The following WDR70 variants were observed in gnomAD, a reference collection of about 807,000 sequenced individuals.
WDR70 encodes the protein WD repeat domain 70.
A neutral mutation model predicts 88.6 loss-of-function variants in WDR70; 53 were observed. The observed-to-expected ratio is 0.60, with a 90% CI of 0.48 to 0.75. The LOEUF (loss-of-function observed/expected upper bound fraction) is 0.75. Among genes scored for constraint, WDR70 ranks in the 30% least tolerant of loss-of-function variants. The pLI, the probability that WDR70 is intolerant of heterozygous loss-of-function variation, is 0.00. For missense variants in WDR70, 610 were observed against 823.2 expected (o/e 0.74, Z 3.17); for synonymous variants, 280 against 270.0 (o/e 1.04, Z -0.36).
intron 17 of WDR70, among the ~76,000 whole-genome samples, chr5:37,739,760 C>T (rs1394429484): frequency 1.3e-5 from 2 of 152,098 alleles, no homozygotes; most frequent in South Asian, 2.1e-4. Flanking sequence ...CTGTCATCTA[C>T]AATAGGTATT....
intron 9 of WDR70, among the ~76,000 whole-genome samples, chr5:37,567,567 A>T (rs375978711): frequency 6.6e-6 from 1 of 152,050 alleles, no homozygotes; most frequent in African/African-American, 2.4e-5. Flanking sequence ...CCCCCCAAAG[A>T]TGCATTGTAT....
rs1047818424 is a variant in WDR70 at position 37,407,252 on chromosome 5, G to C, written c.492+10682G>C. Among the ~76,000 whole-genome samples the C allele has an allele frequency of 2.0e-5, 3 of 152,100 alleles. No homozygotes were observed. The South Asian group carries it at 6.2e-4, about 32-fold the overall frequency. On this transcript the variant is annotated intron_variant, in intron 5 of 17. Transcript: ENST00000265107. ...CATTTAAGTAAGTCAGGCCGGTGTA[G>C]TGTTTACACCTGTAATCCCAGCACT...
intron 8 of WDR70, among the ~76,000 whole-genome samples, chr5:37,501,395 C>G (rs1740401339): frequency 6.6e-6 from 1 of 152,110 alleles, no homozygotes; most frequent in South Asian, 2.1e-4. Context: ...AGATTTACCT[C>G]TTTAATACAG....
At chr5:37,727,477 G>T (rs1432415727) in intron 17 of WDR70, among the ~76,000 whole-genome samples, 1 of 152,130 alleles carries the variant, frequency 6.6e-6, no homozygotes, top group Admixed American at 6.5e-5. Context: ...TATTCCCTCA[G>T]ACAGCTTAGC....
At chr5:37,678,698 C>A (rs1009212040) in intron 10 of WDR70, among the ~76,000 whole-genome samples, 2 of 152,154 alleles carry the variant, frequency 1.3e-5, no homozygotes, top group African/African-American at 4.8e-5. Context: ...GTGAATCTGA[C>A]AATTATGTGT....
intron 9 of WDR70, among the ~76,000 whole-genome samples, chr5:37,596,023 G>T (rs80136605): frequency 6.6e-6 from 1 of 152,064 alleles, no homozygotes; most frequent in Non-Finnish European, 1.5e-5. Flanking sequence ...GAAATTTTGG[G>T]GGTTTTGTTT....
intron 8 of WDR70, among the ~76,000 whole-genome samples, chr5:37,509,436 T>A (rs902909850): frequency 8.8e-5 from 13 of 148,290 alleles, no homozygotes; most frequent in African/African-American, 2.2e-4. Flanking sequence ...AAACATACTT[T>A]AAAAAAAAAA....
chr5:37,447,523 A>T (rs540377017), intron 7 of WDR70, among the ~76,000 whole-genome samples: 2 of 152,338 alleles, frequency 1.3e-5, no homozygotes, highest in East Asian at 3.9e-4. Flanking sequence ...AATAGCAAAG[A>T]CTTGGAACCA....
chr5:37,724,843 A>C (rs1747925603), intron 15 of WDR70, 91 bp from the exon 16 acceptor site: 2 of 1,198,076 alleles, frequency 1.7e-6, no homozygotes, highest in Non-Finnish European at 1.2e-6. Flanking sequence ...TATGACTTCC[A>C]TTTCATCTTT....
At chr5:37,679,687 G>C (rs1746360928) in intron 10 of WDR70, among the ~76,000 whole-genome samples, 1 of 152,228 alleles carries the variant, frequency 6.6e-6, no homozygotes, top group Non-Finnish European at 1.5e-5. Flanking sequence ...CAGGGATCAG[G>C]CACCCACTTG....
intron 9 of WDR70, among the ~76,000 whole-genome samples, chr5:37,560,535 T>C (rs560601042): frequency 1.3e-5 from 2 of 152,220 alleles, no homozygotes; most frequent in Non-Finnish European, 2.9e-5. Context: ...TTAAATTATA[T>C]ACACTTTGCT....
intron 8 of WDR70, among the ~76,000 whole-genome samples, chr5:37,486,715 T>C (rs575501046): frequency 5.9e-4 from 89 of 151,614 alleles, no homozygotes; most frequent in African/African-American, 2.1e-3. Flanking sequence ...TTTGCATTTC[T>C]CTAATGATCA....
intron 8 of WDR70, among the ~76,000 whole-genome samples, chr5:37,512,874 C>T (rs570339060): frequency 4.6e-5 from 7 of 152,010 alleles, no homozygotes; most frequent in African/African-American, 1.4e-4. Flanking sequence ...CATGTGGCAC[C>T]GCACCCAGCC....
At chr5:37,427,937 A>C (rs1379234307) in intron 5 of WDR70, among the ~76,000 whole-genome samples, 1 of 152,076 alleles carries the variant, frequency 6.6e-6, no homozygotes, top group African/African-American at 2.4e-5. Flanking sequence ...TTAGTTCTGG[A>C]CAGTGAAATG....
chr5:37,575,719 T>G (rs1743031664), intron 9 of WDR70, among the ~76,000 whole-genome samples: 2 of 152,206 alleles, frequency 1.3e-5, no homozygotes, highest in South Asian at 4.1e-4. Context: ...TATAATAAAC[T>G]GGTAAATGTA....
At position 37,450,146 on chromosome 5, in the gene WDR70, A is replaced by G. The variant is rs6884725; in HGVS notation, c.686+6774A>G. ...CCACATTTTCTTTATCCAGTCTATC[A>G]TTGATGGGCATTTGGGTTGGTTCCA... is the stretch of plus-strand genomic sequence containing the variant. On this transcript the variant is annotated intron_variant, in intron 7 of 17. Transcript: ENST00000265107. Among the ~76,000 whole-genome samples, 199 of 152,258 alleles carry G rather than the reference A, an allele frequency of 1.3e-3. 1 individual carries two copies. Among genetic ancestry groups the G allele is most frequent in the African/African-American group, 4.7e-3 (194 of 41,550 alleles).
chr5:37,741,721 G>C (rs1748488086), intron 17 of WDR70, among the ~76,000 whole-genome samples: 1 of 152,126 alleles, frequency 6.6e-6, no homozygotes, highest in South Asian at 2.1e-4. Flanking sequence ...TGGACCAATA[G>C]CAGTCTGGGG....
intron 3 of WDR70, among the ~76,000 whole-genome samples, chr5:37,388,588 A>G (rs1748705121): frequency 6.9e-6 from 1 of 144,998 alleles, no homozygotes; most frequent in African/African-American, 2.5e-5. Flanking sequence ...AAAAATACAA[A>G]AATTAGGTGG....
At chr5:37,551,580 T>C (rs899306497) in intron 9 of WDR70, among the ~76,000 whole-genome samples, 11 of 151,188 alleles carry the variant, frequency 7.3e-5, no homozygotes, top group Admixed American at 2.6e-4. Flanking sequence ...ATACAAAAAA[T>C]TAGCTGGGTG....
Sources: gnomAD v4.1 joint callset for allele counts (sites outside exome capture counted in the v4.1 genomes callset) on GRCh38, gnomAD v4.1.1 for gene constraint, MANE v1.5 for transcripts, NCBI Gene and HGNC (gene_info 2026-07-23, HGNC 2026-07-21) for gene names.